CSN3: variants seen among roughly 807,000 people sequenced by gnomAD.
The protein encoded by CSN3 is casein kappa.
In CSN3, 7 loss-of-function variants were observed where a neutral mutation model predicts 9.9. That is an observed-to-expected ratio of 0.71 (90% CI 0.40 to 1.33). CSN3 has a LOEUF of 1.33. Among genes scored for constraint, CSN3 ranks in the 40% most tolerant of loss-of-function variants. The pLI, the probability that CSN3 is intolerant of heterozygous loss-of-function variation, is 0.01. For missense variants in CSN3, 253 were observed against 227.9 expected (o/e 1.11, Z -0.71); for synonymous variants, 88 against 82.3 (o/e 1.07, Z -0.37).
intron 2 of CSN3, among the ~76,000 whole-genome samples, chr4:70,245,709 T>C (rs1239359411): frequency 6.6e-6 from 1 of 152,170 alleles, no homozygotes; most frequent in Non-Finnish European, 1.5e-5. Context: ...TGAATCTCTG[T>C]AATATTTATT....
At chr4:70,249,514 A>C in intron 4 of CSN3, 21 bp downstream of exon 4, 1 of 1,354,830 alleles carries the variant, frequency 7.4e-7, no homozygotes, top group Non-Finnish European at 1.0e-6. Flanking sequence ...AGTATATAAA[A>C]TGAGTAATTC....
chr4:70,240,589 C>T (rs932870040), upstream of CSN3, among the ~76,000 whole-genome samples: 1 of 151,974 alleles, frequency 6.6e-6, no homozygotes, highest in Non-Finnish European at 1.5e-5. Context: ...TTCGAAAACG[C>T]AAGAGCATTG....
chr4:70,247,679 T>TC, intron 2 of CSN3, 139 bp from the exon 3 acceptor site: 3 of 682,576 alleles, frequency 4.4e-6, no homozygotes, highest in Non-Finnish European at 7.3e-6. Context: ...GCCTCATAGA[T>TC]CACTCATGAA....
exon 4 of CSN3, chr4:70,249,365 T>C (rs1046912064): frequency 6.2e-7 from 1 of 1,613,962 alleles, no homozygotes; most frequent in African/African-American, 1.3e-5. Flanking sequence ...GAACCAACGG[T>C]GGACAGTGTA....
upstream of CSN3, among the ~76,000 whole-genome samples, chr4:70,238,862 T>C (rs1730220915): frequency 6.6e-6 from 1 of 151,814 alleles, no homozygotes; most frequent in Admixed American, 6.6e-5. Flanking sequence ...ATGGTACTGT[T>C]TCCTAAAGGA....
chr4:70,240,239 A>G (rs1730244759), upstream of CSN3, among the ~76,000 whole-genome samples: 1 of 151,974 alleles, frequency 6.6e-6, no homozygotes, highest in Non-Finnish European at 1.5e-5. Flanking sequence ...TTATTGCAAA[A>G]TGTTTTTGTT....
At chr4:70,238,999 G>T (rs1439052735), upstream of CSN3, among the ~76,000 whole-genome samples, 1 of 151,810 alleles carries the variant, frequency 6.6e-6, no homozygotes, top group African/African-American at 2.4e-5. Flanking sequence ...ACAGCTATTG[G>T]ATACTTGAAT....
chr4:70,240,456 A>G (rs1479675814), upstream of CSN3, among the ~76,000 whole-genome samples: 3 of 151,956 alleles, frequency 2.0e-5, no homozygotes, highest in African/African-American at 7.2e-5. Context: ...GCATAAGTAG[A>G]TAAAGACTGG....
intron 3 of CSN3, 65 bp from the exon 4 acceptor site, chr4:70,248,933 A>T: frequency 8.3e-7 from 1 of 1,207,168 alleles, no homozygotes; most frequent in Non-Finnish European, 1.2e-6. Context: ...AAAAATGCAG[A>T]TTTAAGGTAT....
upstream of CSN3, among the ~76,000 whole-genome samples, chr4:70,240,060 G>A (rs1730241119): frequency 6.6e-6 from 1 of 151,786 alleles, no homozygotes; most frequent in South Asian, 2.1e-4. Context: ...CTAATGAAGT[G>A]GCTGAGAAAT....
chr4:70,240,130 C>T (rs540907619), upstream of CSN3, among the ~76,000 whole-genome samples: 90 of 151,950 alleles, frequency 5.9e-4, no homozygotes, highest in African/African-American at 2.0e-3. Context: ...GAAGATAAAA[C>T]AGACATGAAG....
At chr4:70,242,433 G>A (rs1730291096), upstream of CSN3, among the ~76,000 whole-genome samples, 1 of 119,812 alleles carries the variant, frequency 8.3e-6, no homozygotes. Context: ...CTAGCATTAG[G>A]TATATCTCCC....
intron 4 of CSN3, among the ~76,000 whole-genome samples, chr4:70,250,429 G>A (rs2622368): frequency 0.11 from 16,744 of 151,948 alleles, 1,108 homozygotes; most frequent in East Asian, 0.23. Context: ...ACCATAGGCT[G>A]GTCATTACTT....
exon 4 of CSN3, chr4:70,249,340 C>A: frequency 6.2e-7 from 1 of 1,614,048 alleles, no homozygotes; most frequent in Non-Finnish European, 8.5e-7. Flanking sequence ...TGAACCTACA[C>A]CAGCTCCTGC....
exon 4 of CSN3, chr4:70,249,397 G>C (rs1730442316): frequency 6.2e-7 from 1 of 1,614,044 alleles, no homozygotes; most frequent in Non-Finnish European, 8.5e-7. Flanking sequence ...AGCTTTTTCA[G>C]AGTCCATCAT....
intron 3 of CSN3, among the ~76,000 whole-genome samples, chr4:70,248,272 T>A (rs1730417726): frequency 2.0e-5 from 3 of 152,192 alleles, no homozygotes; most frequent in South Asian, 2.1e-4. Flanking sequence ...TATGTTTGAA[T>A]ACATTTAAAT....
exon 4 of CSN3, chr4:70,249,350 C>A: frequency 6.2e-7 from 1 of 1,614,046 alleles, no homozygotes; most frequent in Non-Finnish European, 8.5e-7. Flanking sequence ...CCAGCTCCTG[C>A]CACTGAACCA....
intron 1 of CSN3, chr4:70,243,138 A>T (rs757553163): frequency 4.3e-6 from 4 of 933,716 alleles, no homozygotes; most frequent in Non-Finnish European, 5.1e-6. Flanking sequence ...CATTTCACGA[A>T]TTATTTCTTC....
chr4:70,247,642 T>C (rs149318223), intron 2 of CSN3, among the ~76,000 whole-genome samples, 176 bp from the exon 3 acceptor site: 776 of 152,276 alleles, frequency 5.1e-3, no homozygotes, highest in Non-Finnish European at 8.4e-3. Context: ...TCAGTTAGAC[T>C]ACTGTTGCTT....
Sources: allele counts gnomAD v4.1 joint callset (sites outside exome capture counted in the v4.1 genomes callset), GRCh38; gene constraint gnomAD v4.1.1; transcripts MANE v1.5; gene names NCBI Gene and HGNC (gene_info 2026-07-23, HGNC 2026-07-21).